The following RSBN1L variants were observed in gnomAD, a reference collection of about 807,000 sequenced individuals.
The protein encoded by RSBN1L is lysine-specific demethylase RSBN1L.
RSBN1L carries 30 observed loss-of-function variants against 67.7 expected under a neutral mutation model. That is an observed-to-expected ratio of 0.44 (90% CI 0.33 to 0.60). RSBN1L has a LOEUF of 0.60. Ranked by LOEUF, RSBN1L falls within the 20% of genes least tolerant of loss-of-function variation. The pLI is 0.02. For synonymous variants in RSBN1L, 433 were observed against 387.0 expected (o/e 1.12, Z -1.39); for missense variants, 992 against 1,031.7 (o/e 0.96, Z 0.53).
intron 1 of RSBN1L, among the ~76,000 whole-genome samples, chr7:77,709,227 T>C (rs1790937402): frequency 6.6e-6 from 1 of 151,988 alleles, no homozygotes; most frequent in African/African-American, 2.4e-5. Flanking sequence ...TGTGTCTGCC[T>C]GCCTGTGTGG....
At chr7:77,766,332 A>G (rs762574413) in intron 4 of RSBN1L, among the ~76,000 whole-genome samples, 2 of 152,152 alleles carry the variant, frequency 1.3e-5, no homozygotes, top group African/African-American at 2.4e-5. Flanking sequence ...TTACAGGCAC[A>G]TGCCATCATG....
In RSBN1L at chr7:77,706,367, C is replaced by T. The variant is rs533288911; in HGVS notation, c.586+9312C>T. On this transcript the variant is annotated intron_variant, in intron 1 of 7. Transcript: ENST00000334955. ...CTGGGATTACAGGCCTGAGCCACCG[C>T]GCCCAGCAACTTTTGTATTTTTAAT... is the stretch of plus-strand genomic sequence containing the variant. 4.6e-5 allele frequency among the ~76,000 whole-genome samples: 7 copies of T among 152,128 alleles called. No homozygotes were observed. The East Asian group carries it at 5.8e-4, about 13-fold the overall frequency.
At chr7:77,770,635 T>G (rs1791835396) in intron 5 of RSBN1L, among the ~76,000 whole-genome samples, 2 of 151,072 alleles carry the variant, frequency 1.3e-5, no homozygotes, top group South Asian at 4.2e-4. Context: ...AAGCTATGAG[T>G]ACATCACTGC....
chr7:77,703,477 GTTTTTTTTTTTTTTT>G (rs71529102), intron 1 of RSBN1L, among the ~76,000 whole-genome samples: 27 of 61,574 alleles, frequency 4.4e-4, no homozygotes, highest in East Asian at 6.5e-4. Flanking sequence ...TACTGTTTGG[GTTTTTTTTTTTTTTT>G]TTTTTTTTTT....
intron 1 of RSBN1L, among the ~76,000 whole-genome samples, chr7:77,713,156 CT>C (rs1472933065): frequency 6.6e-6 from 1 of 151,962 alleles, no homozygotes; most frequent in Non-Finnish European, 1.5e-5. Context: ...TTATCCTTTT[CT>C]TTTTTTAAAA....
chr7:77,765,167 A>G (rs1440966321), intron 3 of RSBN1L, among the ~76,000 whole-genome samples: 1 of 152,200 alleles, frequency 6.6e-6, no homozygotes, highest in African/African-American at 2.4e-5. Flanking sequence ...GAATACTCAG[A>G]TAATGAGTTC....
At chr7:77,756,681 G>A (rs934441683) in intron 3 of RSBN1L, among the ~76,000 whole-genome samples, 1 of 152,138 alleles carries the variant, frequency 6.6e-6, no homozygotes. Context: ...GGGAGGCTGA[G>A]GCAGGAGAAT....
intron 1 of RSBN1L, among the ~76,000 whole-genome samples, chr7:77,698,764 T>G (rs1790773909): frequency 6.6e-6 from 1 of 152,164 alleles, no homozygotes; most frequent in African/African-American, 2.4e-5. Flanking sequence ...CTATGTGGGT[T>G]TTTTGGAGTA....
chr7:77,778,783 T>A lies in RSBN1L; in HGVS notation c.2156T>A (p.Leu719His). 1 of 1,614,176 alleles carries A rather than the reference T, an allele frequency of 6.2e-7. No homozygotes were observed. Among genetic ancestry groups the A allele is most frequent in the African/African-American group, 1.3e-5 (1 of 75,068 alleles). ...GTSSDSTSSV[L>H]GPHTDNMICA... ...TCATCAGATTCCACATCATCTGTTC[T>A]TGGACCTCACACTGACAACATGATT... The change falls in exon 8 of 8, where the codon CTT becomes CAT. Residue 719 changes from leucine to histidine, a missense_variant. Physicochemically the swap from Leu to His is moderately conservative, Grantham distance 99. Transcript: ENST00000334955.
At chr7:77,713,358 C>CT (rs903352569) in intron 1 of RSBN1L, among the ~76,000 whole-genome samples, 50 of 145,130 alleles carry the variant, frequency 3.4e-4, no homozygotes, top group South Asian at 2.8e-3. Flanking sequence ...CTCTCTCTTC[C>CT]TTTTTTTTTT....
At chr7:77,705,510 GTT>G (rs56187940) in intron 1 of RSBN1L, among the ~76,000 whole-genome samples, 4 of 111,502 alleles carry the variant, frequency 3.6e-5, no homozygotes, top group Non-Finnish European at 3.4e-5. Context: ...CATTGTAATG[GTT>G]TTTTTTTTTT....
At chr7:77,730,063 T>G (rs1203476716) in intron 1 of RSBN1L, among the ~76,000 whole-genome samples, 1 of 152,218 alleles carries the variant, frequency 6.6e-6, no homozygotes, top group Non-Finnish European at 1.5e-5. Flanking sequence ...CCATGTTCAT[T>G]TTTCCACATA....
At chr7:77,718,379 C>A (rs1009478291) in intron 1 of RSBN1L, among the ~76,000 whole-genome samples, 1 of 152,148 alleles carries the variant, frequency 6.6e-6, no homozygotes, top group Non-Finnish European at 1.5e-5. Flanking sequence ...ACGGCTTCAA[C>A]TTCTGGGCTC....
chr7:77,712,829 G>T (rs1313885133), intron 1 of RSBN1L, among the ~76,000 whole-genome samples: 1 of 151,886 alleles, frequency 6.6e-6, no homozygotes, highest in Non-Finnish European at 1.5e-5. Flanking sequence ...CAATGTGTAG[G>T]CGTTTATTCA....
At chr7:77,736,084 C>T (rs921990676) in intron 1 of RSBN1L, among the ~76,000 whole-genome samples, 25 of 152,132 alleles carry the variant, frequency 1.6e-4, no homozygotes, top group African/African-American at 6.0e-4. Flanking sequence ...TCAACACTGG[C>T]ACTTTTCCAT....
chr7:77,712,745 A>G (rs1790992074), intron 1 of RSBN1L, among the ~76,000 whole-genome samples: 2 of 152,226 alleles, frequency 1.3e-5, no homozygotes, highest in African/African-American at 2.4e-5. Flanking sequence ...TGTATAAACC[A>G]TAATATATTT....
rs1790738542 is a variant in RSBN1L, at chr7:77,696,875, C to T, written c.406C>T (p.His136Tyr). Residue 136 changes from histidine (H) to tyrosine (Y), a missense_variant, in exon 1 of 8, where the codon CAC becomes TAC. Around this residue, in one of 7 missense-constraint regions of RSBN1L, gnomAD observed 575 missense variants for 483.2 expected, o/e 1.19. Coordinates refer to ENST00000334955, the MANE Select transcript of RSBN1L (RefSeq NM_198467.3). ...RKLLVPPTLL[H>Y]AQPHHLLLPA... ...ACTGCTGGTCCCTCCTACGCTGCTG[C>T]ACGCTCAGCCTCACCATCTCCTCCT... 3 of 1,610,142 alleles carry T rather than the reference C, an allele frequency of 1.9e-6. No individual in the cohort carries two copies. Among genetic ancestry groups the T allele is most frequent in the South Asian group, 2.2e-5 (2 of 91,068 alleles).
At chr7:77,736,048 T>C (rs10488040) in intron 1 of RSBN1L, among the ~76,000 whole-genome samples, 64,753 of 151,974 alleles carry the variant, frequency 0.43, 14,200 homozygotes, top group African/African-American at 0.5. Context: ...TTTTCTGTTA[T>C]GCTGCTAATC....
chr7:77,736,607 T>C lies in RSBN1L; in HGVS notation c.703+81T>C. The C allele has an allele frequency of 5.4e-6, 4 of 746,876 alleles. No individual in the cohort carries two copies. The South Asian group carries it at 9.6e-5, about 18-fold the overall frequency. 46.3% of individuals were successfully genotyped at this position (746,876 alleles called of 1,614,324 possible). A position where few individuals can be genotyped will look rare whatever the true frequency, so the allele number is the denominator to read the frequency against. Reference sequence around the variant, plus strand: ...TTGGCTAAGTGAATAAAATAAGAAATGTTATTTGGTGCTGAATTTTGCGGA... The same window carrying C: ...TTGGCTAAGTGAATAAAATAAGAAACGTTATTTGGTGCTGAATTTTGCGGA... On this transcript the variant is annotated intron_variant, in intron 2 of 7. Coordinates refer to ENST00000334955, the MANE Select transcript of RSBN1L (RefSeq NM_198467.3).
Sources: allele counts gnomAD v4.1 joint callset (sites outside exome capture counted in the v4.1 genomes callset), GRCh38; gene constraint gnomAD v4.1.1; regional missense constraint gnomAD v4.1.1; transcripts MANE v1.5; gene names NCBI Gene and HGNC (gene_info 2026-07-23, HGNC 2026-07-21).